Variants in ADCY2 observed in about 807,000 individuals in gnomAD.
The protein encoded by ADCY2 is adenylate cyclase type 2.
Under a neutral mutation model 125.2 loss-of-function variants are expected in ADCY2, and 31 were observed. The ratio of observed to expected loss-of-function variants is 0.25; its 90% confidence interval spans 0.19 to 0.33. ADCY2 has a LOEUF of 0.33. Among genes scored for constraint, ADCY2 ranks in the 10% least tolerant of loss-of-function variants. ADCY2 has a pLI of 1.00. For missense variants in ADCY2, 904 were observed against 1,418.2 expected (o/e 0.64, Z 5.82); for synonymous variants, 512 against 548.4 (o/e 0.93, Z 0.93).
chr5:7,778,029 C>T (rs1338988946), intron 18 of ADCY2, among the ~76,000 whole-genome samples: 4 of 152,178 alleles, frequency 2.6e-5, no homozygotes, highest in African/African-American at 9.7e-5. Context: ...CACAGCAGTC[C>T]TCCATATTGT....
At position 7,709,107 on chromosome 5, in the gene ADCY2, AG is replaced by A. The variant is rs1741358658; in HGVS notation, c.1402-101del. 3.5e-6 allele frequency: 4 copies of A among 1,154,988 alleles called. No homozygotes were observed. The highest frequency in any genetic ancestry group is 4.7e-5 in the South Asian group (2 of 42,382). The allele number at this position is 1,154,988 out of a possible 1,614,324, so 71.5% of individuals were successfully genotyped here. ...GACAGAAAACACAGAGGGCGAATAG[AG>A]GGCTGTCAGGAGGAATGACCCTAGT... is the stretch of plus-strand genomic sequence containing the variant. On this transcript the variant is annotated intron_variant, in intron 9 of 24. Transcript: ENST00000338316. The surrounding 1 kb of genome is among the most constrained non-coding windows in gnomAD (Gnocchi z 4.4).
intron 16 of ADCY2, among the ~76,000 whole-genome samples, chr5:7,760,339 C>T (rs1035882289): frequency 1.3e-5 from 2 of 152,232 alleles, no homozygotes; most frequent in South Asian, 2.1e-4. Context: ...GTGAGAGAGA[C>T]TGGGTCGGAA....
intron 4 of ADCY2, among the ~76,000 whole-genome samples, chr5:7,655,753 A>G (rs187981641): frequency 6.6e-6 from 1 of 152,312 alleles, no homozygotes; most frequent in Non-Finnish European, 1.5e-5. Context: ...AATTAACAGA[A>G]CTATAAGAAA....
chr5:7,686,805 T>C (rs138159980), intron 4 of ADCY2, among the ~76,000 whole-genome samples: 1 of 152,366 alleles, frequency 6.6e-6, no homozygotes, highest in Non-Finnish European at 1.5e-5. Flanking sequence ...AAATTTATCA[T>C]GGATGCCATA....
chr5:7,506,090 A>C (rs1743802598), intron 2 of ADCY2, among the ~76,000 whole-genome samples: 1 of 151,390 alleles, frequency 6.6e-6, no homozygotes, highest in Non-Finnish European at 1.5e-5. Flanking sequence ...GTGATCACTT[A>C]TTTTCCAAAT....
At chr5:7,557,885 C>T (rs1031048165) in intron 3 of ADCY2, among the ~76,000 whole-genome samples, 1 of 152,116 alleles carries the variant, frequency 6.6e-6, no homozygotes, top group Non-Finnish European at 1.5e-5. Flanking sequence ...TACCCAGATA[C>T]CCAGTAATGG....
intron 2 of ADCY2, among the ~76,000 whole-genome samples, chr5:7,433,434 A>T (rs1036766783): frequency 6.6e-6 from 1 of 152,154 alleles, no homozygotes; most frequent in South Asian, 2.1e-4. Context: ...GTGTGTGCAC[A>T]CACACATACA....
At chr5:7,444,743 C>G (rs1304560222) in intron 2 of ADCY2, among the ~76,000 whole-genome samples, 1 of 152,132 alleles carries the variant, frequency 6.6e-6, no homozygotes, top group Non-Finnish European at 1.5e-5. Flanking sequence ...CTTTTCTTCC[C>G]CAGTAGTGCC....
intron 3 of ADCY2, among the ~76,000 whole-genome samples, chr5:7,536,605 T>G (rs1417680425): frequency 6.6e-6 from 1 of 152,222 alleles, no homozygotes. Flanking sequence ...TCCCAACATT[T>G]TTAGTTCTTT....
At chr5:7,548,913 A>G (rs983620332) in intron 3 of ADCY2, among the ~76,000 whole-genome samples, 2 of 152,196 alleles carry the variant, frequency 1.3e-5, no homozygotes, top group African/African-American at 2.4e-5. Context: ...GAGAGATAGT[A>G]GGCTGAGTGC....
chr5:7,803,315 A>C (rs1744656726), intron 21 of ADCY2, among the ~76,000 whole-genome samples: 1 of 152,214 alleles, frequency 6.6e-6, no homozygotes, highest in Non-Finnish European at 1.5e-5. Flanking sequence ...GGATTTGCTC[A>C]TCTGTCTTAA....
Position 7,650,586 on chromosome 5 carries a change from C to G in ADCY2, c.720+24270C>G, listed in dbSNP as rs903520950. ...GCCTTCCTCCTTCCTGAGCCCACTG[C>G]GTGGGAGCCTCTGTGACTTTCCTTT... On this transcript the variant is annotated intron_variant, in intron 4 of 24. Coordinates refer to ENST00000338316, the MANE Select transcript of ADCY2 (RefSeq NM_020546.3). Among the ~76,000 whole-genome samples, 40 of 152,216 alleles carry G rather than the reference C, an allele frequency of 2.6e-4. 1 individual carries two copies. Among genetic ancestry groups the G allele is most frequent in the African/African-American group, 8.9e-4 (37 of 41,538 alleles).
intron 1 of ADCY2, among the ~76,000 whole-genome samples, chr5:7,407,939 G>T (rs1168674998): frequency 1.3e-5 from 2 of 150,764 alleles, no homozygotes; most frequent in African/African-American, 4.9e-5. Context: ...CACAATTTCG[G>T]CTCACTGAAA....
chr5:7,542,941 AAAGCCATG>A (rs1735040047), intron 3 of ADCY2, among the ~76,000 whole-genome samples: 1 of 152,216 alleles, frequency 6.6e-6, no homozygotes, highest in Non-Finnish European at 1.5e-5. Flanking sequence ...AGACAGTAAC[AAAGCCATG>A]TTTCTTCATA....
intron 2 of ADCY2, among the ~76,000 whole-genome samples, chr5:7,474,210 C>G (rs186880644): frequency 6.6e-6 from 1 of 152,326 alleles, no homozygotes; most frequent in Non-Finnish European, 1.5e-5. Flanking sequence ...TTTACATTCT[C>G]AATCTATTCA....
intron 3 of ADCY2, among the ~76,000 whole-genome samples, chr5:7,533,310 C>T (rs991215038): frequency 2.0e-5 from 3 of 151,834 alleles, no homozygotes; most frequent in African/African-American, 4.8e-5. Flanking sequence ...TTAATTCCCT[C>T]TGTATTTGCG....
chr5:7,640,998 A>G (rs1282920262), intron 4 of ADCY2, among the ~76,000 whole-genome samples: 5 of 152,106 alleles, frequency 3.3e-5, no homozygotes, highest in Non-Finnish European at 5.9e-5. Flanking sequence ...ATCATTGAGC[A>G]CTCTTTGAGT....
At chr5:7,525,825 C>T (rs1210727314) in intron 3 of ADCY2, among the ~76,000 whole-genome samples, 2 of 152,206 alleles carry the variant, frequency 1.3e-5, no homozygotes, top group Non-Finnish European at 2.9e-5. Flanking sequence ...TGATAGATTT[C>T]CTTTATTGGA....
At chr5:7,529,247 T>TGAGGGACA (rs367896191) in intron 3 of ADCY2, among the ~76,000 whole-genome samples, 13,861 of 152,014 alleles carry the variant, frequency 0.091, 743 homozygotes, top group South Asian at 0.24. Flanking sequence ...AATGAGGACT[T>TGAGGGACA]AATGAAAAGG....
Sources: gnomAD v4.1 joint callset for allele counts (sites outside exome capture counted in the v4.1 genomes callset) on GRCh38, gnomAD v4.1.1 for gene constraint, Gnocchi (gnomAD v3.1) non-coding constraint, MANE v1.5 for transcripts, NCBI Gene and HGNC (gene_info 2026-07-23, HGNC 2026-07-21) for gene names.